KMO: variants seen among roughly 807,000 people sequenced by gnomAD.
KMO encodes the protein kynurenine 3-hydroxylase.
In KMO, 24 loss-of-function variants were observed where a neutral mutation model predicts 57.8. The observed-to-expected ratio is 0.42, with a 90% CI of 0.30 to 0.58. The LOEUF (loss-of-function observed/expected upper bound fraction) is 0.58. Among genes scored for constraint, KMO ranks in the 20% least tolerant of loss-of-function variants. The pLI, the probability that KMO is intolerant of heterozygous loss-of-function variation, is 0.22. For missense variants in KMO, 483 were observed against 588.2 expected, an observed-to-expected ratio of 0.82 and a Z score of 1.85; for synonymous variants, 210 against 193.6, an observed-to-expected ratio of 1.08 and a Z score of -0.70.
intron 10 of KMO, among the ~76,000 whole-genome samples, chr1:241,578,470 T>C (rs1001293616): frequency 5.9e-5 from 9 of 152,078 alleles, no homozygotes; most frequent in Non-Finnish European, 1.0e-4. Flanking sequence ...ATGCTGTTGC[T>C]CCTCTAGGTC....
rs753736879 is a variant in KMO at position 241,592,135 on chromosome 1, C to T, written c.1443C>T (p.Ser481=). 18 of 1,613,470 alleles carry T rather than the reference C, an allele frequency of 1.1e-5. No individual in the cohort carries two copies. Among genetic ancestry groups the T allele is most frequent in the Non-Finnish European group, 1.5e-5 (18 of 1,179,804 alleles). The change falls in exon 15 of 15, where the codon TCC becomes TCT. Residue 481 remains serine (S), a synonymous_variant. Transcript: ENST00000366559. ...AKAVDSLEQI[S]NLISR ...CCGTGGACTCCCTAGAACAAATTTC[C>T]AATCTCATTAGCAGGTGATAGAAAG... is the stretch of plus-strand genomic sequence containing the variant.
At chr1:241,541,258 T>C (rs1660948744) in intron 1 of KMO, among the ~76,000 whole-genome samples, 1 of 152,136 alleles carries the variant, frequency 6.6e-6, no homozygotes, top group Non-Finnish European at 1.5e-5. Context: ...ATAGGACGTA[T>C]TGCCTAGCTT....
At chr1:241,538,970 G>A (rs899072003) in intron 1 of KMO, among the ~76,000 whole-genome samples, 6 of 152,130 alleles carry the variant, frequency 3.9e-5, no homozygotes, top group African/African-American at 1.4e-4. Context: ...CATTCGTCTA[G>A]TCCTCTATCT....
chr1:241,548,601 T>C (rs1238520787), intron 1 of KMO, among the ~76,000 whole-genome samples: 4 of 149,124 alleles, frequency 2.7e-5, no homozygotes, highest in Admixed American at 2.0e-4. Context: ...AAAAAAAAAC[T>C]ACTTCTAAAA....
At chr1:241,590,869 T>C (rs1425584229) in intron 14 of KMO, among the ~76,000 whole-genome samples, 1 of 152,084 alleles carries the variant, frequency 6.6e-6, no homozygotes, top group African/African-American at 2.4e-5. Context: ...AGAGATAAAC[T>C]GCCCCCGAGG....
chr1:241,587,252 T>C (rs1035720776), intron 11 of KMO, among the ~76,000 whole-genome samples: 1 of 152,058 alleles, frequency 6.6e-6, no homozygotes, highest in African/African-American at 2.4e-5. Context: ...CACAATAGGG[T>C]TCACGCTCCT....
At chr1:241,587,487 C>A (rs1663048472) in intron 11 of KMO, among the ~76,000 whole-genome samples, 1 of 151,974 alleles carries the variant, frequency 6.6e-6, no homozygotes, top group South Asian at 2.1e-4. Context: ...GAGATGGAGT[C>A]ACTCCATCGC....
chr1:241,576,169 C>T (rs1662509281), intron 10 of KMO, among the ~76,000 whole-genome samples: 1 of 151,844 alleles, frequency 6.6e-6, no homozygotes, highest in Non-Finnish European at 1.5e-5. Flanking sequence ...TTAGGTGAGT[C>T]TCTTGAAGAC....
chr1:241,590,363 C>A, intron 14 of KMO, 100 bp downstream of exon 14: 1 of 950,600 alleles, frequency 1.1e-6, no homozygotes, highest in Non-Finnish European at 1.7e-6. Flanking sequence ...AATAATGGGA[C>A]AGACACCAAC....
At chr1:241,587,316 T>C (rs370099406) in intron 11 of KMO, among the ~76,000 whole-genome samples, 4 of 152,210 alleles carry the variant, frequency 2.6e-5, no homozygotes, top group Admixed American at 6.5e-5. Context: ...TGGGCGGTAA[T>C]GCCATCTCAA....
At chr1:241,550,565 C>G (rs1211869046) in intron 3 of KMO, among the ~76,000 whole-genome samples, 1 of 152,150 alleles carries the variant, frequency 6.6e-6, no homozygotes, top group Non-Finnish European at 1.5e-5. Context: ...ATTATTTTCT[C>G]CCAGATAGCA....
chr1:241,557,162 C>T (rs1414735858), intron 5 of KMO, among the ~76,000 whole-genome samples: 1 of 152,006 alleles, frequency 6.6e-6, no homozygotes, highest in Admixed American at 6.6e-5. Flanking sequence ...ATTTGTGTAA[C>T]TAAAAAAAGC....
chr1:241,591,817 G>A, intron 14 of KMO, 136 bp from the exon 15 acceptor site: 1 of 685,096 alleles, frequency 1.5e-6, no homozygotes, highest in South Asian at 1.8e-5. Context: ...CTGATCTGGT[G>A]GTCATGCAAG....
Position 241,560,743 on chromosome 1 carries a change from C to T in KMO, c.440C>T (p.Thr147Ile). 6.2e-7 allele frequency: 1 copy of T among 1,612,006 alleles called. No homozygotes were observed. The highest frequency in any genetic ancestry group is 8.5e-7 in the Non-Finnish European group (1 of 1,178,094). ...LKCNPEEGMI[T>I]VLGSDKVPKD... ...TGTAATCCAGAGGAAGGAATGATCACAGTGCTTGGGTAACTACGGGTCAGG... is the reference window on the plus strand; with the variant it reads ...TGTAATCCAGAGGAAGGAATGATCATAGTGCTTGGGTAACTACGGGTCAGG... The change falls in exon 6 of 15, where the codon ACA (threonine) becomes ATA (isoleucine). Residue 147 changes from threonine to isoleucine, a missense_variant. By Grantham distance (89) the Thr-to-Ile change is moderately conservative. This residue lies in a region of KMO where 410 missense variants were observed against 492.3 expected (regional missense o/e 0.83). Coordinates refer to ENST00000366559, the MANE Select transcript of KMO (RefSeq NM_003679.5).
intron 9 of KMO, among the ~76,000 whole-genome samples, chr1:241,567,738 A>C (rs879527015): frequency 9.2e-5 from 14 of 152,192 alleles, no homozygotes; most frequent in Non-Finnish European, 1.9e-4. Context: ...CTGAAGACTA[A>C]TTTAGTCTCT....
At chr1:241,557,145 G>A (rs1224452488) in intron 5 of KMO, among the ~76,000 whole-genome samples, 1 of 152,088 alleles carries the variant, frequency 6.6e-6, no homozygotes, top group Admixed American at 6.5e-5. Context: ...GAACCCTGAA[G>A]TTGTGAATTT....
In KMO at chr1:241,592,791, T is replaced by TATCTATC. The variant is rs1256966668; in HGVS notation, c.*639_*645dup. ...CTATCTATCTATCTATCTATCTATCTATCTATCTCTATTTATTTATGTATT... is the reference window on the plus strand; with the variant it reads ...CTATCTATCTATCTATCTATCTATCTATCTATCATCTATCTCTATTTATTTATGTATT... On this transcript the variant is annotated 3_prime_UTR_variant, in exon 15 of 15. Coordinates refer to ENST00000366559, the MANE Select transcript of KMO (RefSeq NM_003679.5). 1.9e-5 allele frequency: 3 copies of TATCTATC among 154,008 alleles called. No individual in the cohort carries two copies. Among genetic ancestry groups the TATCTATC allele is most frequent in the South Asian group, 2.0e-4 (1 of 4,964 alleles). 9.5% of individuals were successfully genotyped at this position (154,008 alleles called of 1,614,324 possible).
chr1:241,575,930 T>A (rs1211900654), intron 10 of KMO, among the ~76,000 whole-genome samples: 38 of 152,124 alleles, frequency 2.5e-4, no homozygotes, highest in Non-Finnish European at 2.9e-5. Flanking sequence ...TTTTATAAAT[T>A]TAAGAGCTCC....
chr1:241,538,947 A>G (rs1482176046), intron 1 of KMO, among the ~76,000 whole-genome samples: 1 of 152,174 alleles, frequency 6.6e-6, no homozygotes, highest in Non-Finnish European at 1.5e-5. Context: ...CCTTCTGTCC[A>G]TATTCACTCA....
Sources: allele counts gnomAD v4.1 joint callset (sites outside exome capture counted in the v4.1 genomes callset), GRCh38; gene constraint gnomAD v4.1.1; regional missense constraint gnomAD v4.1.1; transcripts MANE v1.5; gene names NCBI Gene and HGNC (gene_info 2026-07-23, HGNC 2026-07-21).